CPNE9: variants seen among roughly 807,000 people sequenced by gnomAD.
The protein encoded by CPNE9 is copine-9.
CPNE9 carries 59 observed loss-of-function variants against 83.0 expected under a neutral mutation model. That is an observed-to-expected ratio of 0.71 (90% CI 0.58 to 0.88). The LOEUF is 0.88. Ranked by LOEUF, CPNE9 falls within the 40% of genes least tolerant of loss-of-function variation. The pLI, the probability that CPNE9 is intolerant of heterozygous loss-of-function variation, is 0.00. For missense variants in CPNE9, 619 were observed against 720.8 expected (o/e 0.86, Z 1.62); for synonymous variants, 256 against 273.4 (o/e 0.94, Z 0.63).
At position 9,712,821 on chromosome 3, in the gene CPNE9, G is replaced by C. The variant is rs2076642994; in HGVS notation, c.538G>C (p.Asp180His). The C allele has an allele frequency of 6.2e-7, 1 of 1,613,702 alleles. No individual in the cohort carries two copies. Among genetic ancestry groups the C allele is most frequent in the East Asian group, 2.2e-5 (1 of 44,894 alleles). Reference protein sequence around the residue: ...PFLVFYRSNEDGTFTICHKTE... With the variant: ...PFLVFYRSNEHGTFTICHKTE... ...CCTTGTGTTCTACAGGAGCAATGAG[G>C]ATGGCACGTGAGTCACTGCCATCAG... Residue 180 changes from aspartate to histidine, a missense_variant, in exon 9 of 21, where the codon GAT (aspartate) becomes CAT (histidine). Physicochemically the swap from Asp to His is moderately conservative, Grantham distance 81 (BLOSUM62 -1). This residue lies in a region of CPNE9 where 438 missense variants were observed against 562.9 expected (regional missense o/e 0.78). Transcript: ENST00000383832.
intron 7 of CPNE9, among the ~76,000 whole-genome samples, chr3:9,711,202 ATTATT>A (rs1300607380): frequency 2.0e-5 from 3 of 151,874 alleles, no homozygotes; most frequent in African/African-American, 7.3e-5. Flanking sequence ...GTGCAAGCGA[ATTATT>A]TATTTATTTT....
chr3:9,705,789 A>G (rs1050490098), intron 6 of CPNE9, 69 bp downstream of exon 6: 1 of 1,535,068 alleles, frequency 6.5e-7, no homozygotes, highest in African/African-American at 1.4e-5. Flanking sequence ...GCTTGGACTG[A>G]TGACCCACTA....
At chr3:9,715,793 T>A (rs113615875) in intron 13 of CPNE9, among the ~76,000 whole-genome samples, 181 bp from the exon 14 acceptor site, 5,669 of 152,336 alleles carry the variant, frequency 0.037, 122 homozygotes, top group Non-Finnish European at 0.053. Context: ...TCCAACGATG[T>A]TTCTGACAGC....
intron 7 of CPNE9, among the ~76,000 whole-genome samples, chr3:9,706,695 C>T (rs1034999651): frequency 4.6e-5 from 7 of 152,122 alleles, no homozygotes; most frequent in African/African-American, 1.4e-4. Flanking sequence ...GCAGAATCAA[C>T]GGAACTGGAA....
At chr3:9,710,914 G>A (rs923765985) in intron 7 of CPNE9, among the ~76,000 whole-genome samples, 3 of 151,786 alleles carry the variant, frequency 2.0e-5, no homozygotes, top group East Asian at 1.9e-4. Flanking sequence ...TTGTAGTCTC[G>A]GCTACTTGAG....
In CPNE9 at chr3:9,725,722, A is replaced by G. The variant is rs113024441; in HGVS notation, c.1242-227A>G. Among the ~76,000 whole-genome samples the G allele has an allele frequency of 1.0e-3, 145 of 145,674 alleles. 1 individual carries two copies. Among genetic ancestry groups the G allele is most frequent in the African/African-American group, 3.2e-3 (128 of 39,798 alleles). On this transcript the variant is annotated intron_variant, in intron 17 of 20. Transcript: ENST00000383832. ...TGTATATATGTGTATATATGTGTAT[A>G]TGTATATATTTCATATATATGTATA...
chr3:9,719,358 C>T (rs963754026), intron 17 of CPNE9, among the ~76,000 whole-genome samples: 51 of 152,052 alleles, frequency 3.4e-4, no homozygotes, highest in Admixed American at 3.3e-3. Flanking sequence ...AACCCCACTG[C>T]CTGAGAATGA....
In CPNE9 at chr3:9,704,701, G is replaced by C; in HGVS notation, c.110-48G>C. On this transcript the variant is annotated intron_variant, in intron 2 of 20. Coordinates refer to ENST00000383832, the MANE Select transcript of CPNE9 (RefSeq NM_153635.3). The surrounding 1 kb of genome is among the most constrained non-coding windows in gnomAD (Gnocchi z 7.1). Reference sequence around the variant, plus strand: ...TCAGGGGCGGGTGGAGTCGGGGCCAGGGGTGGGAGCCGACCTGACGTCCTT... The same window carrying C: ...TCAGGGGCGGGTGGAGTCGGGGCCACGGGTGGGAGCCGACCTGACGTCCTT... 6.2e-7 allele frequency: 1 copy of C among 1,611,012 alleles called. No individual in the cohort carries two copies. The highest frequency in any genetic ancestry group is 8.5e-7 in the Non-Finnish European group (1 of 1,177,778).
chr3:9,716,866 C>T (rs1399468588), intron 14 of CPNE9, among the ~76,000 whole-genome samples, 192 bp from the exon 15 acceptor site: 1 of 152,098 alleles, frequency 6.6e-6, no homozygotes, highest in East Asian at 1.9e-4. Context: ...AATTCTGTTA[C>T]CTAAAGTGTA....
At position 9,725,997 on chromosome 3, in the gene CPNE9, C is replaced by A; in HGVS notation, c.1290C>A (p.Ile430=). 1 of 1,613,054 alleles carries A rather than the reference C, an allele frequency of 6.2e-7. No individual in the cohort carries two copies. The highest frequency in any genetic ancestry group is 8.5e-7 in the Non-Finnish European group (1 of 1,179,482). ...SDGSQYYVLL[I]ITDGVISDMT... ...GCTCCCAGTACTATGTTCTGCTCATCATCACTGATGGGGTCATCTCTGACA... is the reference window on the plus strand; with the variant it reads ...GCTCCCAGTACTATGTTCTGCTCATAATCACTGATGGGGTCATCTCTGACA... The change falls in exon 18 of 21, where the codon ATC becomes ATA. Residue 430 remains isoleucine (I), a synonymous_variant. Transcript: ENST00000383832.
chr3:9,717,429 G>A (rs1405027017), intron 15 of CPNE9, among the ~76,000 whole-genome samples: 2 of 152,138 alleles, frequency 1.3e-5, no homozygotes, highest in Admixed American at 1.3e-4. Context: ...TGGGTACATG[G>A]GTTGGTGAGT....
At chr3:9,718,326 G>A (rs1035093543) in intron 16 of CPNE9, 116 bp downstream of exon 16, 3 of 1,366,348 alleles carry the variant, frequency 2.2e-6, no homozygotes, top group Non-Finnish European at 2.0e-6. Context: ...GAAGCTATGA[G>A]AGGATAGCAG....
chr3:9,728,041 A>T (rs1308024144), intron 20 of CPNE9, among the ~76,000 whole-genome samples: 1 of 152,262 alleles, frequency 6.6e-6, no homozygotes, highest in African/African-American at 2.4e-5. Context: ...GGTGAGTGAC[A>T]TCCCATTTGC....
At chr3:9,725,676 G>GTA (rs756917299) in intron 17 of CPNE9, among the ~76,000 whole-genome samples, 34,794 of 79,604 alleles carry the variant, frequency 0.44, 5,450 homozygotes, top group Non-Finnish European at 0.49. Flanking sequence ...ATATATATGT[G>GTA]TATATATATA....
At chr3:9,722,514 C>CT (rs879422539) in intron 17 of CPNE9, among the ~76,000 whole-genome samples, 128 of 145,316 alleles carry the variant, frequency 8.8e-4, no homozygotes, top group African/African-American at 1.9e-3. Flanking sequence ...TTCTACAGTT[C>CT]TTTTTTTTTT....
At chr3:9,725,322 G>A (rs2076767592) in intron 17 of CPNE9, among the ~76,000 whole-genome samples, 1 of 151,906 alleles carries the variant, frequency 6.6e-6, no homozygotes. Context: ...ATCACTTGAG[G>A]TCAGGAGTTT....
chr3:9,729,088 G>T (rs1318401342), intron 20 of CPNE9, among the ~76,000 whole-genome samples: 1 of 152,046 alleles, frequency 6.6e-6, no homozygotes, highest in Non-Finnish European at 1.5e-5. Flanking sequence ...GGTGGTGGGA[G>T]GGGGGAGCTT....
At chr3:9,705,602 C>G in intron 5 of CPNE9, 102 bp downstream of exon 5, 1 of 1,558,818 alleles carries the variant, frequency 6.4e-7, no homozygotes, top group East Asian at 2.2e-5. Context: ...CAGACCCCAT[C>G]TTCTTCAGGC....
intron 5 of CPNE9, 96 bp downstream of exon 5, chr3:9,705,596 C>A: frequency 6.4e-7 from 1 of 1,558,316 alleles, no homozygotes; most frequent in South Asian, 1.1e-5. Context: ...TCGACCCAGA[C>A]CCCATCTTCT....
Sources: gnomAD v4.1 joint callset for allele counts (sites outside exome capture counted in the v4.1 genomes callset) on GRCh38, gnomAD v4.1.1 for gene constraint, gnomAD v4.1.1 regional missense constraint, Gnocchi (gnomAD v3.1) non-coding constraint, MANE v1.5 for transcripts, NCBI Gene and HGNC (gene_info 2026-07-23, HGNC 2026-07-21) for gene names.